CBLL1: variants seen among roughly 807,000 people sequenced by gnomAD.
CBLL1 encodes the protein E3 ubiquitin-protein ligase Hakai.
Under a neutral mutation model 44.9 loss-of-function variants are expected in CBLL1, and 4 were observed. That is an observed-to-expected ratio of 0.09 (90% CI 0.04 to 0.20). The LOEUF (loss-of-function observed/expected upper bound fraction) is 0.20, where lower values mean the gene tolerates loss of function less well. Among genes scored for constraint, CBLL1 ranks in the 10% least tolerant of loss-of-function variants. The pLI, the probability that CBLL1 is intolerant of heterozygous loss-of-function variation, is 1.00. For synonymous variants in CBLL1, 235 were observed against 202.2 expected, an observed-to-expected ratio of 1.16 and a Z score of -1.38; for missense variants, 569 against 636.7, an observed-to-expected ratio of 0.89 and a Z score of 1.14.
At chr7:107,745,571 A>G (rs1298576234) in intron 1 of CBLL1, among the ~76,000 whole-genome samples, 2 of 152,236 alleles carry the variant, frequency 1.3e-5, no homozygotes, top group East Asian at 1.9e-4. Flanking sequence ...TGGAGGAGGA[A>G]CACAGTCTCT....
chr7:107,751,333 C>T (rs1003561347), intron 2 of CBLL1, among the ~76,000 whole-genome samples: 2 of 152,176 alleles, frequency 1.3e-5, no homozygotes, highest in Non-Finnish European at 2.9e-5. Flanking sequence ...CCCTCACCTC[C>T]TGCTGTGTGG....
chr7:107,749,922 G>A (rs1449926962), intron 2 of CBLL1, among the ~76,000 whole-genome samples: 2 of 143,222 alleles, frequency 1.4e-5, no homozygotes, highest in Non-Finnish European at 3.1e-5. Flanking sequence ...ATGTATGTGC[G>A]TGTGTGTATA....
Position 107,759,082 on chromosome 7 carries a change from A to G in CBLL1, c.1380A>G (p.Pro460=). The G allele has an allele frequency of 1.2e-6, 2 of 1,614,050 alleles. No homozygotes were observed. The highest frequency in any genetic ancestry group is 1.7e-6 in the Non-Finnish European group (2 of 1,179,992). Residue 460 remains proline, a synonymous_variant, in exon 6 of 6, where the codon CCA becomes CCG. Coordinates refer to ENST00000440859, the MANE Select transcript of CBLL1 (RefSeq NM_024814.4). ...SPGIWPAPRG[P]PPPPRLQGPP... is the part of the protein sequence containing the mutation. ...GTATATGGCCTGCACCAAGAGGGCC[A>G]CCACCACCTCCACGATTGCAGGGTC...
intron 1 of CBLL1, among the ~76,000 whole-genome samples, chr7:107,745,439 G>A (rs1792966552): frequency 6.6e-6 from 1 of 152,242 alleles, no homozygotes; most frequent in African/African-American, 2.4e-5. Context: ...CTAATAGCCA[G>A]AGGGTAGGAG....
intron 2 of CBLL1, 117 bp from the exon 3 acceptor site, chr7:107,753,294 C>T: frequency 1.6e-6 from 1 of 615,352 alleles, no homozygotes. Flanking sequence ...CTTAGAAAAG[C>T]TTTGAAAGGC....
In CBLL1 at chr7:107,761,488, G is replaced by C. The variant is rs1163974646; in HGVS notation, c.*2310G>C. 2 of 152,084 alleles carry C rather than the reference G, an allele frequency of 1.3e-5. No homozygotes were observed. Among genetic ancestry groups the C allele is most frequent in the Non-Finnish European group, 2.9e-5 (2 of 67,832 alleles). 9.4% of individuals were successfully genotyped at this position (152,084 alleles called of 1,614,324 possible). On this transcript the variant is annotated 3_prime_UTR_variant, in exon 6 of 6. Coordinates refer to ENST00000440859, the MANE Select transcript of CBLL1 (RefSeq NM_024814.4). Reference sequence around the variant, plus strand: ...TGGGTAGAAGGATAACAAAATTACTGTTAGTGTTTCTTTCCTTACGGAAAA... The same window carrying C: ...TGGGTAGAAGGATAACAAAATTACTCTTAGTGTTTCTTTCCTTACGGAAAA...
intron 2 of CBLL1, among the ~76,000 whole-genome samples, chr7:107,752,327 A>G (rs1368037497): frequency 2.0e-5 from 3 of 152,312 alleles, no homozygotes; most frequent in South Asian, 2.1e-4. Flanking sequence ...TTATAAGAGC[A>G]TCCTGACTTT....
intron 5 of CBLL1, among the ~76,000 whole-genome samples, chr7:107,756,562 G>T (rs1236103277): frequency 6.6e-6 from 1 of 152,004 alleles, no homozygotes; most frequent in African/African-American, 2.4e-5. Context: ...TTTCAGCATG[G>T]TATACATTCA....
intron 2 of CBLL1, chr7:107,752,515 A>C: frequency 7.9e-7 from 1 of 1,260,732 alleles, no homozygotes; most frequent in Non-Finnish European, 1.0e-6. Flanking sequence ...TAAAGTTAAA[A>C]CTTGTGTGCT....
intron 1 of CBLL1, among the ~76,000 whole-genome samples, chr7:107,748,663 C>G (rs1388437712): frequency 6.6e-6 from 1 of 152,086 alleles, no homozygotes; most frequent in Admixed American, 6.5e-5. Context: ...TTATCAATTT[C>G]TTAAAGGATT....
In CBLL1 at chr7:107,761,233, G is replaced by A. The variant is rs1390670427; in HGVS notation, c.*2055G>A. The A allele has an allele frequency of 6.6e-6, 1 of 152,184 alleles. No individual in the cohort carries two copies. The highest frequency in any genetic ancestry group is 1.5e-5 in the Non-Finnish European group (1 of 67,906). The allele number at this position is 152,184 out of a possible 1,614,324, so 9.4% of individuals were successfully genotyped here. A position where few individuals can be genotyped will look rare whatever the true frequency, so the allele number is the denominator to read the frequency against. ...CCTGCTTTTATTGAAAGTCACTAGA[G>A]TTGAATGTGGTAAGAAACCACTTAG... On this transcript the variant is annotated 3_prime_UTR_variant, in exon 6 of 6. Coordinates refer to ENST00000440859, the MANE Select transcript of CBLL1 (RefSeq NM_024814.4).
chr7:107,752,192 C>CT (rs1366210563), intron 2 of CBLL1, among the ~76,000 whole-genome samples: 2 of 137,900 alleles, frequency 1.5e-5, no homozygotes, highest in Non-Finnish European at 3.1e-5. Context: ...GAGTGAGACT[C>CT]TGTCTCAAAA....
Position 107,758,708 on chromosome 7 carries a change from C to G in CBLL1, c.1006C>G (p.Pro336Ala). Reference sequence around the variant, plus strand: ...GGTATCGCACCCTCATCATATTATGCCTCCACAGCAACATTATGCACCACC... The same window carrying G: ...GGTATCGCACCCTCATCATATTATGGCTCCACAGCAACATTATGCACCACC... ...PVVSHPHHIM[P>A]PQQHYAPPPP... Residue 336 changes from proline (P) to alanine (A), a missense_variant, in exon 6 of 6, where the codon CCT becomes GCT. Around this residue, in one of 5 missense-constraint regions of CBLL1, gnomAD observed 228 missense variants for 253.2 expected, o/e 0.90. Transcript: ENST00000440859. This position sits in a 1 kb window ranked among gnomAD's most constrained non-coding sequence, Gnocchi z 4.2. 1 of 1,613,858 alleles carries G rather than the reference C, an allele frequency of 6.2e-7. No homozygotes were observed. Among genetic ancestry groups the G allele is most frequent in the East Asian group, 2.2e-5 (1 of 44,864 alleles).
intron 1 of CBLL1, among the ~76,000 whole-genome samples, chr7:107,746,479 T>C (rs142386831): frequency 8.9e-4 from 136 of 152,338 alleles, no homozygotes; most frequent in African/African-American, 3.1e-3. Flanking sequence ...TGTGCACTGA[T>C]TGTGAAATAA....
chr7:107,752,350 C>T (rs1273177514), intron 2 of CBLL1, among the ~76,000 whole-genome samples: 2 of 152,058 alleles, frequency 1.3e-5, no homozygotes, highest in East Asian at 1.9e-4. Context: ...ATTATACATT[C>T]GTATTGGCAG....
Position 107,748,897 on chromosome 7 carries a change from A to G in CBLL1, c.31A>G (p.Thr11Ala). 1 of 1,610,950 alleles carries G rather than the reference A, an allele frequency of 6.2e-7. No homozygotes were observed. Among genetic ancestry groups the G allele is most frequent in the African/African-American group, 1.3e-5 (1 of 74,818 alleles). Residue 11 changes from threonine (T) to alanine (A), a missense_variant, in exon 2 of 6, where the codon ACT (threonine) becomes GCT (alanine). Physicochemically the swap from Thr to Ala is moderately conservative, Grantham distance 58. This residue lies in a region of CBLL1 where 209 missense variants were observed against 202.8 expected (regional missense o/e 1.03). Transcript: ENST00000440859. ...TAACACAGACAATGAGTTACAAGGC[A>G]CTAATAGTTCTGGATCCTTGGGTGG... MDHTDNELQGTNSSGSLGGLD... is the reference protein window; with the variant it reads MDHTDNELQGANSSGSLGGLD...
chr7:107,753,885 A>T lies in CBLL1; in HGVS notation c.283-10A>T. ...GTAAGAAGGTAATTTTAATTATATC[A>T]TTTCAACAGATAAACATCTTAGGTG... On this transcript the variant is annotated splice_polypyrimidine_tract_variant and intron_variant, in intron 3 of 5. Transcript: ENST00000440859. The T allele has an allele frequency of 6.5e-7, 1 of 1,539,534 alleles. No homozygotes were observed. Among genetic ancestry groups the T allele is most frequent in the Non-Finnish European group, 8.9e-7 (1 of 1,127,240 alleles).
intron 1 of CBLL1, 152 bp downstream of exon 1, chr7:107,744,328 C>A: frequency 1.0e-6 from 1 of 992,974 alleles, no homozygotes; most frequent in Non-Finnish European, 1.4e-6. Flanking sequence ...CTGTGCCCGG[C>A]AGGGGCCTGC....
In CBLL1 at chr7:107,761,192, AT is replaced by A. The variant is rs1793745123; in HGVS notation, c.*2017del. The stretch of plus-strand genomic sequence containing the variant: ...AAAATCACTTTAGAGCTTCTCAACT[AT>A]TTATGAAGAGCTATCCTGCTTTTAT... On this transcript the variant is annotated 3_prime_UTR_variant, in exon 6 of 6. Transcript: ENST00000440859. 6.6e-6 allele frequency: 1 copy of A among 152,218 alleles called. No homozygotes were observed. The highest frequency in any genetic ancestry group is 2.1e-4 in the South Asian group (1 of 4,832). The allele number at this position is 152,218 out of a possible 1,614,324, so 9.4% of individuals were successfully genotyped here.
Sources: allele counts gnomAD v4.1 joint callset (sites outside exome capture counted in the v4.1 genomes callset), GRCh38; gene constraint gnomAD v4.1.1; regional missense constraint gnomAD v4.1.1; non-coding constraint Gnocchi (gnomAD v3.1); transcripts MANE v1.5; gene names NCBI Gene and HGNC (gene_info 2026-07-23, HGNC 2026-07-21).